The following CPAMD8 variants were observed in gnomAD, a reference collection of about 807,000 sequenced individuals.
CPAMD8 encodes C3 and PZP like alpha-2-macroglobulin domain containing 8.
CPAMD8 carries 146 observed loss-of-function variants against 224.7 expected under a neutral mutation model. That is an observed-to-expected ratio of 0.65 (90% CI 0.57 to 0.75). The LOEUF (loss-of-function observed/expected upper bound fraction) is 0.75, where lower values mean the gene tolerates loss of function less well. Among genes scored for constraint, CPAMD8 ranks in the 30% least tolerant of loss-of-function variants. The pLI, the probability that CPAMD8 is intolerant of heterozygous loss-of-function variation, is 0.00. For missense variants in CPAMD8, 2,301 were observed against 2,537.5 expected, an observed-to-expected ratio of 0.91 and a Z score of 2.00; for synonymous variants, 966 against 1,044.6, an observed-to-expected ratio of 0.92 and a Z score of 1.45.
rs574803850 is a variant in CPAMD8, at chr19:16,981,652, T to C, written c.1396-966A>G. On this transcript the variant is annotated intron_variant, in intron 13 of 41. Coordinates refer to ENST00000443236, the MANE Select transcript of CPAMD8 (RefSeq NM_015692.5). ...GGCCTCCCAGGTCCTAAGATCTCCC[T>C]AGGGGGTTGGCGTGTGGCCATGTCC... 1.4e-4 allele frequency among the ~76,000 whole-genome samples: 22 copies of C among 152,218 alleles called. 1 individual carries two copies. The highest frequency in any genetic ancestry group is 1.0e-3 in the South Asian group (5 of 4,830).
Position 16,944,914 on chromosome 19 carries a change from C to T in CPAMD8, c.2793+635G>A, listed in dbSNP as rs183412155. On this transcript the variant is annotated intron_variant, in intron 22 of 41. Coordinates refer to ENST00000443236, the MANE Select transcript of CPAMD8 (RefSeq NM_015692.5). ...GCTGTTGGTGCGGCACCAAATGGAG[C>T]CTCAGTAGGGCTCTGATGTGTCCAA... 3.6e-3 allele frequency among the ~76,000 whole-genome samples: 550 copies of T among 152,220 alleles called. 2 individuals are homozygous for T. The highest frequency in any genetic ancestry group is 6.2e-3 in the Non-Finnish European group (425 of 68,018).
intron 19 of CPAMD8, among the ~76,000 whole-genome samples, chr19:16,956,991 T>G (rs2054493207): frequency 6.6e-6 from 1 of 152,134 alleles, no homozygotes; most frequent in Non-Finnish European, 1.5e-5. Flanking sequence ...TGAAAAAATT[T>G]TTTAACAATA....
intron 11 of CPAMD8, among the ~76,000 whole-genome samples, chr19:16,993,860 G>A (rs56977680): frequency 0.017 from 2,593 of 152,258 alleles, 56 homozygotes; most frequent in African/African-American, 0.06. Context: ...CATGGAAGCC[G>A]GATGCAGTGG....
chr19:16,923,173 G>T (rs1269813422), intron 26 of CPAMD8, among the ~76,000 whole-genome samples: 2 of 152,258 alleles, frequency 1.3e-5, no homozygotes, highest in African/African-American at 4.8e-5. Flanking sequence ...CCAAGGCTGG[G>T]CTGGGAGTGT....
At chr19:17,014,743 G>A (rs570632213) in intron 3 of CPAMD8, among the ~76,000 whole-genome samples, 3 of 152,234 alleles carry the variant, frequency 2.0e-5, no homozygotes, top group East Asian at 1.9e-4. Context: ...ATCTCCCTCT[G>A]GGTCCCTCCC....
At chr19:16,949,563 C>T (rs1186503541) in intron 20 of CPAMD8, among the ~76,000 whole-genome samples, 5 of 151,988 alleles carry the variant, frequency 3.3e-5, no homozygotes, top group South Asian at 2.1e-4. Flanking sequence ...ACCCTGTGAC[C>T]GCTGCCTTGG....
chr19:16,934,621 G>A (rs915895186), intron 23 of CPAMD8, among the ~76,000 whole-genome samples: 14 of 152,074 alleles, frequency 9.2e-5, no homozygotes, highest in African/African-American at 3.4e-4. Flanking sequence ...TAATTACATA[G>A]TGCGTGAAGT....
chr19:17,008,614 T>C (rs1351809338), intron 6 of CPAMD8, 55 bp from the exon 7 acceptor site: 6 of 1,572,678 alleles, frequency 3.8e-6, no homozygotes, highest in African/African-American at 1.4e-5. Context: ...TAGCCTAGCA[T>C]GTGCCCAATG....
chr19:16,995,794 T>C (rs2056104078), intron 11 of CPAMD8, among the ~76,000 whole-genome samples: 1 of 152,128 alleles, frequency 6.6e-6, no homozygotes, highest in African/African-American at 2.4e-5. Context: ...GTAGGAGATC[T>C]GCTTGAGCCC....
chr19:16,989,530 G>A (rs911352643), intron 13 of CPAMD8, 113 bp downstream of exon 13: 71 of 1,308,272 alleles, frequency 5.4e-5, no homozygotes, highest in South Asian at 4.9e-4. Context: ...CCAGTGATCC[G>A]CCTGCCTCGG....
Position 16,977,462 on chromosome 19 carries a change from G to C in CPAMD8, c.1664C>G (p.Pro555Arg), listed in dbSNP as rs2122722445. 1.9e-6 allele frequency: 3 copies of C among 1,611,812 alleles called. No homozygotes were observed. In the East Asian group the frequency reaches 6.7e-5, roughly 36 times the overall value. ...LHLAVTPSMV[P>R]LGRLLVFYVR... ...GTAGAAGACCAGCAGGCGACCAAGG[G>C]GGACCATGCTGGGGGTCACGGCCAG... is the stretch of plus-strand genomic sequence containing the variant. The change falls in exon 15 of 42, where the codon CCC becomes CGC. Residue 555 changes from proline (P) to arginine (R), a missense_variant. By Grantham distance (103) the Pro-to-Arg change is moderately radical (BLOSUM62 -2). Around this residue, in one of 4 missense-constraint regions of CPAMD8, gnomAD observed 301 missense variants for 406.6 expected, o/e 0.74. Transcript: ENST00000443236.
chr19:16,906,042 CG>C (rs1386236381), intron 30 of CPAMD8, among the ~76,000 whole-genome samples: 2 of 152,096 alleles, frequency 1.3e-5, no homozygotes, highest in Non-Finnish European at 2.9e-5. Context: ...TGGCCGGAGG[CG>C]GGGGATGCGT....
chr19:16,901,379 C>T (rs2052251316), intron 35 of CPAMD8, 82 bp from the exon 36 acceptor site: 8 of 951,290 alleles, frequency 8.4e-6, no homozygotes, highest in Non-Finnish European at 1.3e-5. Flanking sequence ...CCCTGGAGCC[C>T]ACACAGCTGA....
rs1568441575 is a variant in CPAMD8, at chr19:16,895,655, T to G, written c.5426+521A>C. ...CACACTGTTAACTACAGGCAAAACT[T>G]CCCTAGTCCAAAAATCCTAAATCTG... On this transcript the variant is annotated intron_variant, in intron 41 of 41. Transcript: ENST00000443236. The G allele has an allele frequency of 1.2e-5, 4 of 346,670 alleles. 1 individual carries two copies. In the East Asian group the frequency reaches 3.0e-4, roughly 26 times the overall value. The allele number at this position is 346,670 out of a possible 1,614,324, so 21.5% of individuals were successfully genotyped here.
At position 16,937,175 on chromosome 19, in the gene CPAMD8, A is replaced by T. The variant is rs190025789; in HGVS notation, c.2845+1220T>A. On this transcript the variant is annotated intron_variant, in intron 23 of 41. Coordinates refer to ENST00000443236, the MANE Select transcript of CPAMD8 (RefSeq NM_015692.5). ...TTTGAGACAGGGTTTCTCTCTGTCA[A>T]CCAGGCTGGAGTGTAGTGGTACAAT... is the stretch of plus-strand genomic sequence containing the variant. Among the ~76,000 whole-genome samples the T allele has an allele frequency of 1.3e-4, 19 of 150,314 alleles. No individual in the cohort carries two copies. The East Asian group carries it at 3.7e-3, about 29-fold the overall frequency.
At chr19:16,906,623 C>T (rs533507339) in intron 30 of CPAMD8, among the ~76,000 whole-genome samples, 4 of 151,668 alleles carry the variant, frequency 2.6e-5, no homozygotes, top group African/African-American at 4.8e-5. Context: ...CGGCTGGTCT[C>T]GAACTCCTGG....
chr19:16,921,876 AG>A, intron 27 of CPAMD8, 28 bp downstream of exon 27: 1 of 1,483,166 alleles, frequency 6.7e-7, no homozygotes, highest in East Asian at 2.5e-5. Flanking sequence ...GGAGCCTCAG[AG>A]GCAATGCCCA....
At chr19:16,978,221 A>G (rs73016337) in intron 14 of CPAMD8, among the ~76,000 whole-genome samples, 1,725 of 152,170 alleles carry the variant, frequency 0.011, 12 homozygotes, top group Non-Finnish European at 0.019. Flanking sequence ...CAACAGGAGG[A>G]AGTGGGTACC....
rs141406440 is a variant in CPAMD8 at position 16,975,086 on chromosome 19, C to T, written c.2070+11G>A. Reference sequence around the variant, plus strand: ...AAGGGGGCAGAGGGATCTGAGACCACCTCTCCTTACGGTGAAGGCAAACCC... The same window carrying T: ...AAGGGGGCAGAGGGATCTGAGACCATCTCTCCTTACGGTGAAGGCAAACCC... On this transcript the variant is annotated intron_variant, in intron 17 of 41. Coordinates refer to ENST00000443236, the MANE Select transcript of CPAMD8 (RefSeq NM_015692.5). 1.8e-3 allele frequency: 2,949 copies of T among 1,610,316 alleles called. 44 individuals carry two copies. In the African/African-American group the frequency reaches 0.033, roughly 18 times the overall value.
Sources: allele counts gnomAD v4.1 joint callset (sites outside exome capture counted in the v4.1 genomes callset), GRCh38; gene constraint gnomAD v4.1.1; regional missense constraint gnomAD v4.1.1; transcripts MANE v1.5; gene names NCBI Gene and HGNC (gene_info 2026-07-23, HGNC 2026-07-21).